SGCZ: variants seen among roughly 807,000 people sequenced by gnomAD.
SGCZ encodes the protein sarcoglycan zeta, also known as zeta-sarcoglycan.
SGCZ carries 40 observed loss-of-function variants against 41.3 expected under a neutral mutation model. The observed-to-expected ratio is 0.97, with a 90% CI of 0.75 to 1.26. The LOEUF is 1.26. Ranked by LOEUF, SGCZ falls within the 50% of genes most tolerant of loss-of-function variation. The pLI is 0.00. For missense variants in SGCZ, 552 were observed against 369.8 expected (o/e 1.49, Z -4.04); for synonymous variants, 206 against 137.5 (o/e 1.50, Z -3.49).
chr8:14,875,544 T>C (rs963206550), intron 1 of SGCZ, among the ~76,000 whole-genome samples: 1 of 152,000 alleles, frequency 6.6e-6, no homozygotes, highest in Non-Finnish European at 1.5e-5. Flanking sequence ...GAGAGAACAA[T>C]ACGAAAAGCA....
chr8:14,992,607 C>A (rs984288779), intron 1 of SGCZ, among the ~76,000 whole-genome samples: 1 of 151,252 alleles, frequency 6.6e-6, no homozygotes, highest in Non-Finnish European at 1.5e-5. Flanking sequence ...CAAATCTACT[C>A]CCAAAACCAG....
chr8:14,365,042 A>G (rs1803647940), intron 2 of SGCZ, among the ~76,000 whole-genome samples: 1 of 152,048 alleles, frequency 6.6e-6, no homozygotes, highest in Non-Finnish European at 1.5e-5. Flanking sequence ...GTACATATAT[A>G]ATGTTGACAT....
intron 1 of SGCZ, among the ~76,000 whole-genome samples, chr8:14,709,422 A>G (rs1156941493): frequency 6.6e-6 from 1 of 152,194 alleles, no homozygotes; most frequent in Non-Finnish European, 1.5e-5. Flanking sequence ...TAATTTAGTC[A>G]TTTACTGAAA....
intron 2 of SGCZ, among the ~76,000 whole-genome samples, chr8:14,453,416 C>T (rs926834401): frequency 5.3e-5 from 8 of 152,148 alleles, no homozygotes; most frequent in Admixed American, 1.3e-4. Flanking sequence ...AACAACAAGA[C>T]ATTTTTGTTT....
At chr8:15,079,827 G>A (rs375937952) in intron 1 of SGCZ, among the ~76,000 whole-genome samples, 1 of 152,124 alleles carries the variant, frequency 6.6e-6, no homozygotes, top group African/African-American at 2.4e-5. Context: ...TCATCCTATC[G>A]CCCAAGTAGG....
intron 1 of SGCZ, among the ~76,000 whole-genome samples, chr8:14,731,702 A>AT (rs1810244617): frequency 6.6e-6 from 1 of 152,078 alleles, no homozygotes; most frequent in Non-Finnish European, 1.5e-5. Flanking sequence ...CATATGACAC[A>AT]TTTTGTAAAG....
chr8:14,812,495 C>T (rs1230621712), intron 1 of SGCZ, among the ~76,000 whole-genome samples: 2 of 152,068 alleles, frequency 1.3e-5, no homozygotes, highest in Non-Finnish European at 2.9e-5. Context: ...CTCAGGAAAA[C>T]ATCACACGTG....
intron 1 of SGCZ, among the ~76,000 whole-genome samples, chr8:14,562,629 G>A (rs1192898162): frequency 6.6e-6 from 1 of 151,964 alleles, no homozygotes; most frequent in African/African-American, 2.4e-5. Flanking sequence ...TTTATTTGAA[G>A]GCCTAATTGG....
chr8:14,258,899 T>C (rs113701383), intron 3 of SGCZ, among the ~76,000 whole-genome samples: 9 of 152,146 alleles, frequency 5.9e-5, no homozygotes, highest in African/African-American at 1.4e-4. Context: ...CTTCCAAAAA[T>C]AATTAGACAT....
At chr8:15,223,675 A>C (rs1801676259) in intron 1 of SGCZ, among the ~76,000 whole-genome samples, 1 of 152,194 alleles carries the variant, frequency 6.6e-6, no homozygotes, top group Admixed American at 6.5e-5. Context: ...TTGGTAGAGA[A>C]CATTAGTAGA....
rs563892825 is a variant in SGCZ, at chr8:14,929,117, G to C, written c.39+308468C>G. Reference sequence around the variant, plus strand: ...AGTGATTCTCCTGCCTCAGCCTCCTGAGTAGCTGGGACTAGAAGCGTGCAC... The same window carrying C: ...AGTGATTCTCCTGCCTCAGCCTCCTCAGTAGCTGGGACTAGAAGCGTGCAC... On this transcript the variant is annotated intron_variant, in intron 1 of 7. Transcript: ENST00000382080. 2.0e-5 allele frequency among the ~76,000 whole-genome samples: 3 copies of C among 152,002 alleles called. No individual in the cohort carries two copies. The East Asian group carries it at 5.8e-4, about 29-fold the overall frequency.
chr8:14,808,407 C>A (rs1364927604), intron 1 of SGCZ, among the ~76,000 whole-genome samples: 4 of 152,196 alleles, frequency 2.6e-5, no homozygotes, highest in Non-Finnish European at 5.9e-5. Flanking sequence ...ACAACCCCAT[C>A]AAAAAGTGGG....
chr8:15,126,641 C>A (rs1335269462), intron 1 of SGCZ, among the ~76,000 whole-genome samples: 2 of 152,044 alleles, frequency 1.3e-5, no homozygotes, highest in Non-Finnish European at 2.9e-5. Flanking sequence ...CTGGGAAAGT[C>A]GGAGAAAATG....
In SGCZ at chr8:14,782,035, T is replaced by G. The variant is rs577782769; in HGVS notation, c.40-227109A>C. ...GGACTCTCTGTACTTGACTAGTTGC[T>G]GAGAAATTTGGGTGACAAACTTGTA... On this transcript the variant is annotated intron_variant, in intron 1 of 7. Coordinates refer to ENST00000382080, the MANE Select transcript of SGCZ (RefSeq NM_139167.4). Among the ~76,000 whole-genome samples, 4 of 152,290 alleles carry G rather than the reference T, an allele frequency of 2.6e-5. No individual in the cohort carries two copies. The South Asian group carries it at 8.3e-4, about 32-fold the overall frequency.
At chr8:14,298,701 G>T (rs1563243165) in intron 3 of SGCZ, among the ~76,000 whole-genome samples, 1 of 151,922 alleles carries the variant, frequency 6.6e-6, no homozygotes, top group Non-Finnish European at 1.5e-5. Context: ...TAATTACATG[G>T]ATAAATGTAA....
intron 1 of SGCZ, among the ~76,000 whole-genome samples, chr8:15,094,230 G>A (rs1473565482): frequency 6.6e-6 from 1 of 152,166 alleles, no homozygotes; most frequent in East Asian, 1.9e-4. Context: ...TACCTCCCAG[G>A]TTCAAGCAAT....
chr8:14,989,092 A>G (rs1190248296), intron 1 of SGCZ, among the ~76,000 whole-genome samples: 1 of 152,188 alleles, frequency 6.6e-6, no homozygotes, highest in African/African-American at 2.4e-5. Flanking sequence ...CGATGGGAGA[A>G]AAAAACCTCC....
chr8:14,991,472 G>A (rs1270136441), intron 1 of SGCZ, among the ~76,000 whole-genome samples: 1 of 152,076 alleles, frequency 6.6e-6, no homozygotes, highest in East Asian at 1.9e-4. Context: ...CTAAATTCTA[G>A]GGCTTTGAGT....
At chr8:14,982,335 A>G (rs73665349) in intron 1 of SGCZ, among the ~76,000 whole-genome samples, 5,388 of 152,284 alleles carry the variant, frequency 0.035, 313 homozygotes, top group African/African-American at 0.12. Context: ...CCAGATTTCA[A>G]TACTTGCTTT....
Sources: gnomAD v4.1 joint callset for allele counts (sites outside exome capture counted in the v4.1 genomes callset) on GRCh38, gnomAD v4.1.1 for gene constraint, MANE v1.5 for transcripts, NCBI Gene and HGNC (gene_info 2026-07-23, HGNC 2026-07-21) for gene names.